Variants in LRMDA observed in about 807,000 individuals in gnomAD.
LRMDA encodes the protein leucine rich melanocyte differentiation associated.
In LRMDA, 18 loss-of-function variants were observed where a neutral mutation model predicts 29.8. The observed-to-expected ratio is 0.60, with a 90% CI of 0.42 to 0.90. The LOEUF (loss-of-function observed/expected upper bound fraction) is 0.90, where lower values mean the gene tolerates loss of function less well. Ranked by LOEUF, LRMDA falls within the 40% of genes least tolerant of loss-of-function variation. LRMDA has a pLI of 0.00. For synonymous variants in LRMDA, 125 were observed against 109.4 expected, an observed-to-expected ratio of 1.14 and a Z score of -0.89; for missense variants, 273 against 273.9, an observed-to-expected ratio of 1.00 and a Z score of 0.02.
intron 6 of LRMDA, among the ~76,000 whole-genome samples, chr10:76,442,020 T>C (rs565286663): frequency 6.6e-6 from 1 of 152,284 alleles, no homozygotes; most frequent in East Asian, 1.9e-4. Context: ...TGGACAAAGT[T>C]TGCTCATAGA....
chr10:76,070,339 C>T (rs1035695649), intron 5 of LRMDA, among the ~76,000 whole-genome samples: 2 of 152,284 alleles, frequency 1.3e-5, no homozygotes, highest in Middle Eastern at 3.4e-3. Context: ...AACAGAAATG[C>T]ATTTTCTTGC....
rs555786559 is a variant in LRMDA at position 75,952,997 on chromosome 10, C to A, written c.132-83011C>A. 4.6e-5 allele frequency among the ~76,000 whole-genome samples: 7 copies of A among 152,064 alleles called. No homozygotes were observed. The South Asian group carries it at 1.2e-3, about 27-fold the overall frequency. ...CTTGAACTCCAGATCTCAGGTTATC[C>A]GCCTGCCTCAGTCTCCCAAAGTTCT... On this transcript the variant is annotated intron_variant, in intron 2 of 6. Transcript: ENST00000611255.
intron 6 of LRMDA, among the ~76,000 whole-genome samples, chr10:76,389,910 A>G (rs945509312): frequency 2.0e-5 from 3 of 152,052 alleles, no homozygotes; most frequent in Admixed American, 6.6e-5. Flanking sequence ...CCTTTTATCT[A>G]TTATGAATAG....
At chr10:75,887,066 C>T (rs944013262) in intron 2 of LRMDA, among the ~76,000 whole-genome samples, 1 of 151,694 alleles carries the variant, frequency 6.6e-6, no homozygotes, top group Non-Finnish European at 1.5e-5. Context: ...GATGGTTCTA[C>T]CTTTAAGAAA....
At chr10:76,553,569 G>A (rs1010526305) in intron 6 of LRMDA, among the ~76,000 whole-genome samples, 2 of 152,212 alleles carry the variant, frequency 1.3e-5, no homozygotes, top group African/African-American at 4.8e-5. Flanking sequence ...TAATTTACGA[G>A]CAGAGCCTCA....
intron 2 of LRMDA, among the ~76,000 whole-genome samples, chr10:75,718,301 T>C (rs1842526355): frequency 6.6e-6 from 1 of 152,220 alleles, no homozygotes; most frequent in African/African-American, 2.4e-5. Flanking sequence ...TGTTTCTATT[T>C]TGTCTGGAAC....
chr10:75,637,853 C>G (rs1357316710), intron 2 of LRMDA, among the ~76,000 whole-genome samples: 2 of 152,140 alleles, frequency 1.3e-5, no homozygotes, highest in Non-Finnish European at 2.9e-5. Flanking sequence ...CTGGCAGGAA[C>G]CTGGACGCTG....
At position 76,517,506 on chromosome 10, in the gene LRMDA, CAAG is replaced by C. The variant is rs1353107496; in HGVS notation, c.602-39699_602-39697del. Among the ~76,000 whole-genome samples, 9 of 151,984 alleles carry C rather than the reference CAAG, an allele frequency of 5.9e-5. No homozygotes were observed. In the East Asian group the frequency reaches 1.5e-3, roughly 26 times the overall value. On this transcript the variant is annotated intron_variant, in intron 6 of 6. Transcript: ENST00000611255. ...TTGTGTTAGAAGTAAATCTATCTCT[CAAG>C]AAGGAGTGCAAAATAAGAAATATTG...
intron 2 of LRMDA, among the ~76,000 whole-genome samples, chr10:75,979,182 ATTG>A (rs1415271490): frequency 6.6e-6 from 1 of 152,116 alleles, no homozygotes; most frequent in Non-Finnish European, 1.5e-5. Flanking sequence ...TTCTGTTGTT[ATTG>A]TTATTATTAT....
intron 2 of LRMDA, among the ~76,000 whole-genome samples, chr10:75,592,799 CAA>C (rs1184013003): frequency 2.0e-5 from 3 of 152,222 alleles, no homozygotes; most frequent in Non-Finnish European, 4.4e-5. Flanking sequence ...GCGATTTCTT[CAA>C]AGAGTAATAA....
chr10:76,478,233 C>T (rs926241016), intron 6 of LRMDA, among the ~76,000 whole-genome samples: 46 of 152,054 alleles, frequency 3.0e-4, no homozygotes, highest in Non-Finnish European at 5.4e-4. Context: ...AAAAAGTAGG[C>T]GAAGGATATG....
intron 6 of LRMDA, among the ~76,000 whole-genome samples, chr10:76,454,158 C>T (rs375993034): frequency 1.3e-5 from 2 of 152,182 alleles, no homozygotes; most frequent in South Asian, 2.1e-4. Context: ...TCTAGAACAA[C>T]ATTCATTTTG....
intron 2 of LRMDA, among the ~76,000 whole-genome samples, chr10:75,728,426 C>CTGTGTGTGTGTGTG (rs34902461): frequency 1.4e-5 from 2 of 138,192 alleles, no homozygotes; most frequent in African/African-American, 5.4e-5. Context: ...ATACGTGGCT[C>CTGTGTGTGTGTGTG]TGTGTGTGTG....
intron 2 of LRMDA, among the ~76,000 whole-genome samples, chr10:75,913,509 G>A (rs1437331256): frequency 2.6e-5 from 4 of 152,068 alleles, no homozygotes; most frequent in African/African-American, 9.7e-5. Flanking sequence ...GACTTTAAAC[G>A]AAATGAAAAC....
At chr10:75,811,491 G>T (rs1843959571) in intron 2 of LRMDA, among the ~76,000 whole-genome samples, 1 of 152,152 alleles carries the variant, frequency 6.6e-6, no homozygotes, top group Admixed American at 6.5e-5. Context: ...ACTAAATCTT[G>T]CTGGGCCTAG....
At chr10:75,641,577 A>G (rs1841453795) in intron 2 of LRMDA, among the ~76,000 whole-genome samples, 1 of 152,120 alleles carries the variant, frequency 6.6e-6, no homozygotes, top group African/African-American at 2.4e-5. Context: ...AACTCAATGC[A>G]GCCTCGACCT....
intron 6 of LRMDA, among the ~76,000 whole-genome samples, chr10:76,352,387 A>G (rs1841187918): frequency 6.6e-6 from 1 of 152,102 alleles, no homozygotes; most frequent in South Asian, 2.1e-4. Flanking sequence ...TATTAAGTAA[A>G]ATAGGGTTAC....
rs1376830032 is a variant in LRMDA at position 75,803,920 on chromosome 10, A to G, written c.132-232088A>G. On this transcript the variant is annotated intron_variant, in intron 2 of 6. Coordinates refer to ENST00000611255, the MANE Select transcript of LRMDA (RefSeq NM_001305581.2). ...GCCTCCCGCTCCGTCCTGGTCTGCC[A>G]TCTGCTGACCCATTCGCTGCTCCTG... is the stretch of plus-strand genomic sequence containing the variant. Among the ~76,000 whole-genome samples, 3 of 152,214 alleles carry G rather than the reference A, an allele frequency of 2.0e-5. No individual in the cohort carries two copies. The East Asian group carries it at 5.8e-4, about 29-fold the overall frequency.
At chr10:75,683,959 A>G (rs969349958) in intron 2 of LRMDA, among the ~76,000 whole-genome samples, 1 of 152,094 alleles carries the variant, frequency 6.6e-6, no homozygotes, top group African/African-American at 2.4e-5. Context: ...AGAGTTTTAT[A>G]GGTTTTTATG....
Sources: gnomAD v4.1 joint callset for allele counts (sites outside exome capture counted in the v4.1 genomes callset) on GRCh38, gnomAD v4.1.1 for gene constraint, MANE v1.5 for transcripts, NCBI Gene and HGNC (gene_info 2026-07-23, HGNC 2026-07-21) for gene names.